The following PSPC1 variants were observed in gnomAD, a reference collection of about 807,000 sequenced individuals.
PSPC1 encodes paraspeckle protein 1.
PSPC1 carries 14 observed loss-of-function variants against 51.6 expected under a neutral mutation model. That is an observed-to-expected ratio of 0.27 (90% CI 0.18 to 0.42). The LOEUF is 0.42. Among genes scored for constraint, PSPC1 ranks in the 10% least tolerant of loss-of-function variants. PSPC1 has a pLI of 1.00. For missense variants in PSPC1, 406 were observed against 701.1 expected (o/e 0.58, Z 4.75); for synonymous variants, 193 against 231.9 (o/e 0.83, Z 1.53).
At chr13:19,687,624 G>T (rs1037914328) in intron 6 of PSPC1, among the ~76,000 whole-genome samples, 2 of 151,526 alleles carry the variant, frequency 1.3e-5, no homozygotes, top group South Asian at 2.1e-4. Context: ...CTATCATTTG[G>T]TTTTTTAAAA....
intron 4 of PSPC1, among the ~76,000 whole-genome samples, chr13:19,746,288 G>A (rs1230781648): frequency 6.6e-6 from 1 of 151,830 alleles, no homozygotes; most frequent in Non-Finnish European, 1.5e-5. Context: ...TGTAATCCAG[G>A]CTACTCAAGA....
intron 7 of PSPC1, among the ~76,000 whole-genome samples, chr13:19,677,147 G>A (rs188535346): frequency 0.11 from 16,650 of 151,084 alleles, 908 homozygotes; most frequent in Middle Eastern, 0.18. Context: ...GCAGGAGAAT[G>A]GCATGAACCC....
chr13:19,757,422 T>C (rs892308412), intron 3 of PSPC1, among the ~76,000 whole-genome samples: 4 of 152,098 alleles, frequency 2.6e-5, no homozygotes, highest in African/African-American at 9.7e-5. Context: ...GTAGAGACTA[T>C]GCCCCAAGTC....
intron 5 of PSPC1, among the ~76,000 whole-genome samples, chr13:19,733,723 A>C (rs1320141898): frequency 1.3e-5 from 2 of 151,750 alleles, no homozygotes; most frequent in Admixed American, 1.3e-4. Context: ...AGATCATGCC[A>C]CTGCACTGCA....
intron 6 of PSPC1, among the ~76,000 whole-genome samples, chr13:19,684,652 CA>C (rs1294470983): frequency 6.6e-6 from 1 of 152,000 alleles, no homozygotes; most frequent in East Asian, 1.9e-4. Flanking sequence ...TAAATAATAC[CA>C]AAATGTTGTA....
At chr13:19,777,760 G>A (rs1410172602) in intron 1 of PSPC1, among the ~76,000 whole-genome samples, 1 of 151,274 alleles carries the variant, frequency 6.6e-6, no homozygotes, top group Non-Finnish European at 1.5e-5. Flanking sequence ...AGCCTGACCA[G>A]CATGATGAAA....
chr13:19,741,896 C>G (rs1468200222), intron 4 of PSPC1, among the ~76,000 whole-genome samples: 1 of 152,032 alleles, frequency 6.6e-6, no homozygotes, highest in African/African-American at 2.4e-5. Context: ...ATTTGGGAGG[C>G]CAAGGCAGGC....
chr13:19,696,491 A>ACACACACG (rs1005386804), intron 6 of PSPC1, among the ~76,000 whole-genome samples: 4 of 142,436 alleles, frequency 2.8e-5, no homozygotes, highest in African/African-American at 1.1e-4. Flanking sequence ...CCTTTATCAC[A>ACACACACG]CACACACGCA....
chr13:19,752,118 G>C (rs1886617952), intron 3 of PSPC1, among the ~76,000 whole-genome samples: 1 of 152,138 alleles, frequency 6.6e-6, no homozygotes, highest in Admixed American at 6.6e-5. Context: ...TTAACTGTCT[G>C]GATCAGATGT....
chr13:19,753,817 G>A (rs1174819935), intron 3 of PSPC1, among the ~76,000 whole-genome samples: 1 of 152,034 alleles, frequency 6.6e-6, no homozygotes, highest in Non-Finnish European at 1.5e-5. Flanking sequence ...TGATCCTAGG[G>A]ACTCTATATC....
intron 6 of PSPC1, among the ~76,000 whole-genome samples, chr13:19,693,796 A>T (rs1319305439): frequency 6.6e-6 from 1 of 152,160 alleles, no homozygotes; most frequent in Non-Finnish European, 1.5e-5. Flanking sequence ...AAGCTCAGGA[A>T]ATTAATCTCA....
intron 6 of PSPC1, among the ~76,000 whole-genome samples, chr13:19,715,325 A>AT (rs546683484): frequency 6.6e-6 from 1 of 152,206 alleles, no homozygotes; most frequent in Non-Finnish European, 1.5e-5. Flanking sequence ...AGTAAGGTAA[A>AT]TTAACCTAAC....
chr13:19,724,992 C>T lies in PSPC1; in HGVS notation c.1158+5247G>A, dbSNP rs539538362. Among the ~76,000 whole-genome samples the T allele has an allele frequency of 2.6e-5, 4 of 151,388 alleles. No homozygotes were observed. In the South Asian group the frequency reaches 8.4e-4, roughly 32 times the overall value. On this transcript the variant is annotated intron_variant, in intron 6 of 8. Coordinates refer to ENST00000338910, the MANE Select transcript of PSPC1 (RefSeq NM_001354909.2). ...CCAGCCTGGCGAGACAGCAAGACTCCGTCTCAAAAATAAAAATAAAAATAA... is the reference window on the plus strand; with the variant it reads ...CCAGCCTGGCGAGACAGCAAGACTCTGTCTCAAAAATAAAAATAAAAATAA...
At chr13:19,751,867 C>T (rs1432172279) in intron 3 of PSPC1, among the ~76,000 whole-genome samples, 1 of 152,188 alleles carries the variant, frequency 6.6e-6, no homozygotes, top group South Asian at 2.1e-4. Flanking sequence ...ACCATCCTGG[C>T]TAACGTTGTG....
chr13:19,747,812 T>G (rs1009623569), intron 4 of PSPC1, among the ~76,000 whole-genome samples: 1 of 152,204 alleles, frequency 6.6e-6, no homozygotes, highest in African/African-American at 2.4e-5. Context: ...TGTTTGAGAT[T>G]TCTCCTTCCA....
At chr13:19,677,978 G>T in intron 6 of PSPC1, 1 of 329,552 alleles carries the variant, frequency 3.0e-6, no homozygotes, top group Non-Finnish European at 5.9e-6. Context: ...ATTCAGTAAG[G>T]ATTTTCTTTT....
chr13:19,734,530 A>C (rs1037324099), intron 5 of PSPC1, among the ~76,000 whole-genome samples: 5 of 152,186 alleles, frequency 3.3e-5, no homozygotes, highest in African/African-American at 1.2e-4. Flanking sequence ...GGCCAGGCGC[A>C]CTGGCTCACG....
At chr13:19,715,889 C>A (rs1167349293) in intron 6 of PSPC1, among the ~76,000 whole-genome samples, 1 of 152,046 alleles carries the variant, frequency 6.6e-6, no homozygotes, top group East Asian at 1.9e-4. Flanking sequence ...TGGAGGGCAC[C>A]TGTAGTCCCA....
chr13:19,767,360 G>A (rs1888175398), intron 2 of PSPC1, among the ~76,000 whole-genome samples: 1 of 151,918 alleles, frequency 6.6e-6, no homozygotes, highest in African/African-American at 2.4e-5. Flanking sequence ...TTACAAATCA[G>A]CAACTAAGTT....
Sources: gnomAD v4.1 joint callset for allele counts (sites outside exome capture counted in the v4.1 genomes callset) on GRCh38, gnomAD v4.1.1 for gene constraint, MANE v1.5 for transcripts, NCBI Gene and HGNC (gene_info 2026-07-23, HGNC 2026-07-21) for gene names.